AMOTL2: variants seen among roughly 807,000 people sequenced by gnomAD.
AMOTL2 encodes angiomotin like 2.
AMOTL2 carries 33 observed loss-of-function variants against 78.4 expected under a neutral mutation model. That is an observed-to-expected ratio of 0.42 (90% CI 0.32 to 0.56). AMOTL2 has a LOEUF of 0.56. AMOTL2 is among the 20% of genes least tolerant of loss of function. AMOTL2 has a pLI of 0.12. For missense variants in AMOTL2, 983 were observed against 1,030.1 expected (o/e 0.95, Z 0.63); for synonymous variants, 422 against 428.8 (o/e 0.98, Z 0.20).
upstream of AMOTL2, chr3:134,374,922 TGTGTGC>T (rs1457616382): frequency 8.7e-3 from 9,630 of 1,110,452 alleles, 109 homozygotes; most frequent in East Asian, 0.064. Flanking sequence ...TGTGTGTGTG[TGTGTGC>T]GTGTGTGTGT....
intron 5 of AMOTL2, among the ~76,000 whole-genome samples, chr3:134,365,155 C>A (rs569342768): frequency 6.6e-6 from 1 of 152,184 alleles, no homozygotes; most frequent in South Asian, 2.1e-4. Context: ...TCCTTCCTGA[C>A]CTCCCTGCCA....
chr3:134,371,181 G>A lies in AMOTL2; in HGVS notation c.253C>T (p.His85Tyr), dbSNP rs1481892708. 2 of 1,613,912 alleles carry A rather than the reference G, an allele frequency of 1.2e-6. No homozygotes were observed. Among genetic ancestry groups the A allele is most frequent in the East Asian group, 2.2e-5 (1 of 44,864 alleles). Reference sequence around the variant, plus strand: ...CGGTAGAGGGTGTTCTCTGCCAGGTGGTTCTCACCGCCCTGGTGCTCCTGG... The same window carrying A: ...CGGTAGAGGGTGTTCTCTGCCAGGTAGTTCTCACCGCCCTGGTGCTCCTGG... ...QGQEHQGGEN[H>Y]LAENTLYRLC... Residue 85 changes from histidine (H) to tyrosine (Y), a missense_variant, in exon 2 of 10, where the codon CAC becomes TAC. His to Tyr is a moderately conservative substitution (Grantham distance 83). Coordinates refer to ENST00000249883, the MANE Select transcript of AMOTL2 (RefSeq NM_016201.4).
At position 134,366,325 on chromosome 3, in the gene AMOTL2, T is replaced by A. The variant is rs199926809; in HGVS notation, c.1144A>T (p.Ser382Cys). ...LEKTMRNKMDSEMRRLQDFNR... is the reference protein window; with the variant it reads ...LEKTMRNKMDCEMRRLQDFNR... ...AAGTCTTGCAGCCTCCTCATTTCAC[T>A]GTCCATCTTGTTCCGCATGGTCTTC... is the stretch of plus-strand genomic sequence containing the variant. Residue 382 changes from serine (S) to cysteine (C), a missense_variant, in exon 4 of 10, where the codon AGT becomes TGT. By Grantham distance (112) the Ser-to-Cys change is moderately radical (BLOSUM62 -1). Transcript: ENST00000249883. 2 of 1,614,216 alleles carry A rather than the reference T, an allele frequency of 1.2e-6. No homozygotes were observed. Among genetic ancestry groups the A allele is most frequent in the South Asian group, 2.2e-5 (2 of 91,088 alleles).
intron 7 of AMOTL2, 73 bp downstream of exon 7, chr3:134,360,033 T>A (rs1020797213): frequency 2.3e-5 from 34 of 1,480,240 alleles, no homozygotes; most frequent in Non-Finnish European, 3.0e-5. Flanking sequence ...TTATCAGGGA[T>A]CAAGGGCAGG....
Position 134,358,599 on chromosome 3 carries a change from A to G in AMOTL2, c.2225T>C (p.Leu742Pro). 2 of 1,614,120 alleles carry G rather than the reference A, an allele frequency of 1.2e-6. No individual in the cohort carries two copies. Among genetic ancestry groups the G allele is most frequent in the Non-Finnish European group, 1.7e-6 (2 of 1,180,016 alleles). ...EGPPDSTSTC[L>P]PPEPDSLLGC... Reference sequence around the variant, plus strand: ...CAGAAGGCTGTCAGGCTCCGGTGGCAGGCAGGTGGAGGTGCTGTCTGGGGG... The same window carrying G: ...CAGAAGGCTGTCAGGCTCCGGTGGCGGGCAGGTGGAGGTGCTGTCTGGGGG... The change falls in exon 9 of 10, where the codon CTG (leucine) becomes CCG (proline). Residue 742 changes from leucine (L) to proline (P), a missense_variant. By Grantham distance (98) the Leu-to-Pro change is moderately conservative. Coordinates refer to ENST00000249883, the MANE Select transcript of AMOTL2 (RefSeq NM_016201.4).
chr3:134,375,209 A>G (rs1226339791), upstream of AMOTL2: 2 of 1,535,586 alleles, frequency 1.3e-6, no homozygotes, highest in East Asian at 2.4e-5. Context: ...ACCCGCCGCC[A>G]GGCGCTCTGT....
At chr3:134,362,611 C>T (rs1401907987) in intron 5 of AMOTL2, among the ~76,000 whole-genome samples, 1 of 152,244 alleles carries the variant, frequency 6.6e-6, no homozygotes, top group African/African-American at 2.4e-5. Context: ...GTCTGCAGTA[C>T]AGTGAAAATG....
chr3:134,373,460 G>C (rs989833520), intron 1 of AMOTL2: 5 of 985,206 alleles, frequency 5.1e-6, no homozygotes, highest in Non-Finnish European at 4.8e-6. Flanking sequence ...CGTCCTTTCA[G>C]ACATCAAACG....
chr3:134,359,779 G>C (rs1282803824), intron 7 of AMOTL2, among the ~76,000 whole-genome samples: 1 of 152,196 alleles, frequency 6.6e-6, no homozygotes, highest in Non-Finnish European at 1.5e-5. Flanking sequence ...TTAAGGATGG[G>C]TTCCAGATTC....
intron 4 of AMOTL2, 67 bp from the exon 5 acceptor site, chr3:134,365,976 G>A (rs373892541): frequency 1.3e-5 from 19 of 1,481,216 alleles, no homozygotes; most frequent in South Asian, 2.3e-5. Context: ...TTTTCCTGAC[G>A]TCCTATCAGG....
rs1360254378 is a variant in AMOTL2, at chr3:134,366,379, T to C, written c.1090A>G (p.Arg364Gly). ...RLSEAHESLTRASSKREALEK... is the reference protein window; with the variant it reads ...RLSEAHESLTGASSKREALEK... Reference sequence around the variant, plus strand: ...AGGGCCTCACGCTTGGAGGAGGCTCTGGTCAGGCTCTCATGGGCCTCAGAG... The same window carrying C: ...AGGGCCTCACGCTTGGAGGAGGCTCCGGTCAGGCTCTCATGGGCCTCAGAG... The change falls in exon 4 of 10, where the codon AGA (arginine) becomes GGA (glycine). Residue 364 changes from arginine to glycine, a missense_variant. By Grantham distance (125) the Arg-to-Gly change is moderately radical (BLOSUM62 -2). Coordinates refer to ENST00000249883, the MANE Select transcript of AMOTL2 (RefSeq NM_016201.4). 6.2e-7 allele frequency: 1 copy of C among 1,614,096 alleles called. No homozygotes were observed. Among genetic ancestry groups the C allele is most frequent in the East Asian group, 2.2e-5 (1 of 44,866 alleles).
intron 7 of AMOTL2, 55 bp downstream of exon 7, chr3:134,360,051 C>T (rs2017282554): frequency 6.5e-7 from 1 of 1,540,928 alleles, no homozygotes; most frequent in Non-Finnish European, 8.8e-7. Flanking sequence ...AGGGCAGTGA[C>T]TGGACATTGC....
At chr3:134,364,742 C>T (rs1647045946) in intron 5 of AMOTL2, among the ~76,000 whole-genome samples, 1 of 152,084 alleles carries the variant, frequency 6.6e-6, no homozygotes, top group African/African-American at 2.4e-5. Flanking sequence ...CAAGCTGCTC[C>T]TCCATTTCTG....
chr3:134,373,927 T>TG (rs1354700760), intron 1 of AMOTL2: 1 of 797,784 alleles, frequency 1.3e-6, no homozygotes, highest in Non-Finnish European at 1.5e-6. Context: ...TTGGACTAGT[T>TG]GGGGGCAAAG....
intron 5 of AMOTL2, among the ~76,000 whole-genome samples, chr3:134,363,168 G>A (rs1019573738): frequency 3.9e-5 from 6 of 152,214 alleles, no homozygotes; most frequent in Non-Finnish European, 8.8e-5. Flanking sequence ...CTTGGCATGT[G>A]GAAGGGAGGA....
At chr3:134,374,621 C>T (rs2018020590), upstream of AMOTL2, 3 of 985,112 alleles carry the variant, frequency 3.0e-6, no homozygotes, top group African/African-American at 5.2e-5. Flanking sequence ...CCTCCCGGCC[C>T]CCGCCTTCCT....
intron 1 of AMOTL2, among the ~76,000 whole-genome samples, chr3:134,372,130 G>A (rs939786807): frequency 6.6e-6 from 1 of 152,114 alleles, no homozygotes; most frequent in African/African-American, 2.4e-5. Context: ...TCTAGACTGA[G>A]GCATCCCAGA....
rs2017584558 is a variant in AMOTL2 at position 134,365,919 on chromosome 3, G to A, written c.1187-10C>T. On this transcript the variant is annotated splice_polypyrimidine_tract_variant and intron_variant, in intron 4 of 9. Coordinates refer to ENST00000249883, the MANE Select transcript of AMOTL2 (RefSeq NM_016201.4). ...GCAGATTCCAATCTCTCTGTTTCAAGGGAAGGAAAGATGTTTTAGTGTCAG... is the reference window on the plus strand; with the variant it reads ...GCAGATTCCAATCTCTCTGTTTCAAAGGAAGGAAAGATGTTTTAGTGTCAG... 6 of 1,613,516 alleles carry A rather than the reference G, an allele frequency of 3.7e-6. No individual in the cohort carries two copies. In the East Asian group the frequency reaches 8.9e-5, roughly 24 times the overall value.
In AMOTL2 at chr3:134,360,183, G is replaced by A. The variant is rs908045586; in HGVS notation, c.1806C>T (p.Ser602=). Residue 602 remains serine, a synonymous_variant, in exon 7 of 10, where the codon TCC becomes TCT. Transcript: ENST00000249883. The part of the protein sequence containing the change: ...AQRDTTLIRH[S]PQPSPSSSFN... ...AGCTGCTGCTGGGTGAGGGCTGGGG[G>A]GAATGTCGGATGAGAGTGGTGTCAC... 1 of 1,614,114 alleles carries A rather than the reference G, an allele frequency of 6.2e-7. No homozygotes were observed. The highest frequency in any genetic ancestry group is 1.7e-5 in the Admixed American group (1 of 60,012).
Sources: gnomAD v4.1 joint callset for allele counts (sites outside exome capture counted in the v4.1 genomes callset) on GRCh38, gnomAD v4.1.1 for gene constraint, MANE v1.5 for transcripts, NCBI Gene and HGNC (gene_info 2026-07-23, HGNC 2026-07-21) for gene names.